The following CDH4 variants were observed in gnomAD, a reference collection of about 807,000 sequenced individuals.
CDH4 encodes cadherin-4.
A neutral mutation model predicts 86.0 loss-of-function variants in CDH4; 33 were observed. The ratio of observed to expected loss-of-function variants is 0.38; its 90% CI spans 0.29 to 0.51. The LOEUF (loss-of-function observed/expected upper bound fraction) is 0.51. Ranked by LOEUF, CDH4 falls within the 20% of genes least tolerant of loss-of-function variation. The pLI is 0.86. For synonymous variants in CDH4, 555 were observed against 549.4 expected (o/e 1.01, Z -0.14); for missense variants, 1,114 against 1,307.4 (o/e 0.85, Z 2.28).
intron 2 of CDH4, among the ~76,000 whole-genome samples, chr20:61,626,346 T>C (rs1050036177): frequency 1.3e-5 from 2 of 152,222 alleles, no homozygotes; most frequent in African/African-American, 4.8e-5. Flanking sequence ...TTCACTGGTC[T>C]CATTGCACTG....
chr20:61,889,369 G>A (rs1984689201), intron 7 of CDH4, among the ~76,000 whole-genome samples: 1 of 150,840 alleles, frequency 6.6e-6, no homozygotes, highest in Non-Finnish European at 1.5e-5. Context: ...GATGGATGAT[G>A]GATGGGTGGG....
intron 9 of CDH4, 100 bp from the exon 10 acceptor site, chr20:61,923,351 G>A (rs1449541097): frequency 1.7e-6 from 2 of 1,168,030 alleles, no homozygotes; most frequent in East Asian, 4.7e-5. Context: ...GCTGGACATG[G>A]CTCAGGGAGG....
At chr20:61,637,037 G>A (rs187224699) in intron 2 of CDH4, among the ~76,000 whole-genome samples, 70 of 152,288 alleles carry the variant, frequency 4.6e-4, no homozygotes, top group African/African-American at 1.6e-3. Flanking sequence ...GTCCATTCGG[G>A]GGCAGGCAGG....
intron 2 of CDH4, among the ~76,000 whole-genome samples, chr20:61,492,071 C>T (rs2085629324): frequency 7.4e-6 from 1 of 134,662 alleles, no homozygotes. Flanking sequence ...ATGGTGGTGT[C>T]AATATTGTTG....
intron 2 of CDH4, among the ~76,000 whole-genome samples, chr20:61,433,593 G>C (rs919481632): frequency 6.6e-6 from 1 of 152,192 alleles, no homozygotes; most frequent in Admixed American, 6.5e-5. Flanking sequence ...AATGCAGCAT[G>C]CAAGGGTTTG....
intron 2 of CDH4, among the ~76,000 whole-genome samples, chr20:61,628,068 C>T (rs1049162298): frequency 2.6e-5 from 4 of 152,228 alleles, no homozygotes; most frequent in East Asian, 1.9e-4. Flanking sequence ...CGTGTGGGGA[C>T]GCGTGGACAC....
intron 2 of CDH4, among the ~76,000 whole-genome samples, chr20:61,673,501 C>A (rs563621801): frequency 6.6e-6 from 1 of 152,216 alleles, no homozygotes; most frequent in Non-Finnish European, 1.5e-5. Context: ...AGGAGCCTGG[C>A]GGTTTTCACC....
chr20:61,860,573 G>A (rs1983276469), intron 6 of CDH4, among the ~76,000 whole-genome samples: 1 of 152,156 alleles, frequency 6.6e-6, no homozygotes. Context: ...AGGAGGAGGT[G>A]CAGGATGCCC....
chr20:61,657,979 C>T (rs1176012739), intron 2 of CDH4, among the ~76,000 whole-genome samples: 1 of 152,076 alleles, frequency 6.6e-6, no homozygotes, highest in Non-Finnish European at 1.5e-5. Flanking sequence ...TGCTTTATGA[C>T]CCTTTACTGG....
At chr20:61,606,199 G>A (rs1046352667) in intron 2 of CDH4, among the ~76,000 whole-genome samples, 7 of 152,312 alleles carry the variant, frequency 4.6e-5, no homozygotes, top group African/African-American at 1.4e-4. Context: ...CAGCAGATGT[G>A]GATAGAAGGT....
At chr20:61,610,982 A>G (rs529977161) in intron 2 of CDH4, among the ~76,000 whole-genome samples, 3 of 152,110 alleles carry the variant, frequency 2.0e-5, no homozygotes, top group Middle Eastern at 6.8e-3. Flanking sequence ...GGTGGCCCAG[A>G]CGGCCATGCC....
intron 2 of CDH4, among the ~76,000 whole-genome samples, chr20:61,679,532 A>G (rs904055163): frequency 6.6e-6 from 1 of 152,180 alleles, no homozygotes; most frequent in East Asian, 1.9e-4. Context: ...TTCCAGCTCC[A>G]CCAACGCCAG....
In CDH4 at chr20:61,725,925, C is replaced by T. The variant is rs112209076; in HGVS notation, c.170-17638C>T. ...CTTGCGGCTCTAGAAATAGCCTGGC[C>T]GGTCCTGTGTCTTGTGTTTGAAAGG... is the stretch of plus-strand genomic sequence containing the variant. On this transcript the variant is annotated intron_variant, in intron 2 of 15. Transcript: ENST00000614565. Among the ~76,000 whole-genome samples the T allele has an allele frequency of 3.5e-3, 530 of 152,304 alleles. 6 individuals are homozygous for T. The highest frequency in any genetic ancestry group is 0.021 in the South Asian group (100 of 4,808).
At chr20:61,427,196 A>T (rs752621914) in intron 2 of CDH4, among the ~76,000 whole-genome samples, 1 of 152,184 alleles carries the variant, frequency 6.6e-6, no homozygotes, top group South Asian at 2.1e-4. Flanking sequence ...ACGGTTCCAC[A>T]TTCCCAGCGT....
intron 2 of CDH4, among the ~76,000 whole-genome samples, chr20:61,570,907 G>A (rs2086337090): frequency 1.3e-5 from 2 of 152,226 alleles, no homozygotes; most frequent in African/African-American, 4.8e-5. Context: ...CTAAGAAAAC[G>A]TCAGTATGGA....
intron 2 of CDH4, among the ~76,000 whole-genome samples, chr20:61,303,452 G>C (rs1046419635): frequency 1.3e-5 from 1 of 75,278 alleles, no homozygotes; most frequent in South Asian, 6.3e-4. Context: ...GTCTGGCCCT[G>C]CTCTTGCCAT....
intron 2 of CDH4, among the ~76,000 whole-genome samples, chr20:61,717,350 G>A (rs1050738451): frequency 9.2e-5 from 14 of 152,212 alleles, no homozygotes; most frequent in East Asian, 3.8e-4. Flanking sequence ...AGCCACAGAC[G>A]CTGCTGCTCT....
At position 61,459,472 on chromosome 20, in the gene CDH4, G is replaced by A. The variant is rs150900264; in HGVS notation, c.169+204535G>A. Among the ~76,000 whole-genome samples the A allele has an allele frequency of 7.7e-3, 1,120 of 145,740 alleles. 10 individuals are homozygous for A. The highest frequency in any genetic ancestry group is 9.9e-3 in the Non-Finnish European group (649 of 65,566). ...TGTGTAGGGAGCCAGGGGTGCCTGC[G>A]CCCCCCAGGACTCCAGTGTTGGCCA... On this transcript the variant is annotated intron_variant, in intron 2 of 15. Transcript: ENST00000614565.
intron 9 of CDH4, among the ~76,000 whole-genome samples, chr20:61,910,966 T>A (rs1053286143): frequency 6.6e-6 from 1 of 152,262 alleles, no homozygotes; most frequent in African/African-American, 2.4e-5. Context: ...TAATATTTTG[T>A]AACACATTGA....
Sources: gnomAD v4.1 joint callset for allele counts (sites outside exome capture counted in the v4.1 genomes callset) on GRCh38, gnomAD v4.1.1 for gene constraint, MANE v1.5 for transcripts, NCBI Gene and HGNC (gene_info 2026-07-23, HGNC 2026-07-21) for gene names.